FKBP15: variants seen among roughly 807,000 people sequenced by gnomAD.
The protein encoded by FKBP15 is FKBP prolyl isomerase family member 15, also known as FK506-binding protein 15.
Under a neutral mutation model 158.1 loss-of-function variants are expected in FKBP15, and 106 were observed. The ratio of observed to expected loss-of-function variants is 0.67; its 90% CI spans 0.57 to 0.79. The LOEUF (loss-of-function observed/expected upper bound fraction) is 0.79. Ranked by LOEUF, FKBP15 falls within the 30% of genes least tolerant of loss-of-function variation. FKBP15 has a pLI of 0.00. For missense variants in FKBP15, 1,287 were observed against 1,479.1 expected, an observed-to-expected ratio of 0.87 and a Z score of 2.13; for synonymous variants, 547 against 548.6, an observed-to-expected ratio of 1.00 and a Z score of 0.04.
At position 113,193,519 on chromosome 9, in the gene FKBP15, G is replaced by A; in HGVS notation, c.1038C>T (p.Ser346=). ...GEPALRTKSN[S]LSEQLAINTS... is the part of the protein sequence containing the mutation. ...TATTTATTGCAAGTTGTTCACTGAG[G>A]GAGTTAGATTTGGTACGAAGAGCTG... The change falls in exon 11 of 28, where the codon TCC becomes TCT. Residue 346 remains serine (S), a synonymous_variant. Transcript: ENST00000238256. 6.3e-7 allele frequency: 1 copy of A among 1,599,480 alleles called. No individual in the cohort carries two copies. Among genetic ancestry groups the A allele is most frequent in the African/African-American group, 1.3e-5 (1 of 74,836 alleles).
intron 2 of FKBP15, among the ~76,000 whole-genome samples, chr9:113,208,110 G>A (rs1311100156): frequency 3.3e-5 from 5 of 152,242 alleles, no homozygotes; most frequent in Middle Eastern, 3.4e-3. Context: ...TTGGCAGGCC[G>A]AGGCAGGTGG....
chr9:113,218,970 T>G (rs900412860), intron 1 of FKBP15, among the ~76,000 whole-genome samples: 1 of 152,224 alleles, frequency 6.6e-6, no homozygotes, highest in African/African-American at 2.4e-5. Context: ...TATACATAAT[T>G]GGCCCCTTAA....
At chr9:113,192,177 C>T (rs780550936) in intron 11 of FKBP15, among the ~76,000 whole-genome samples, 5 of 152,210 alleles carry the variant, frequency 3.3e-5, no homozygotes, top group South Asian at 2.1e-4. Context: ...GTTCAAAGAT[C>T]TGAGATAATA....
At position 113,178,658 on chromosome 9, in the gene FKBP15, C is replaced by T. The variant is rs1384521752; in HGVS notation, c.2058G>A (p.Gln686=). Residue 686 remains glutamine (Q), a synonymous_variant, in exon 20 of 28, where the codon CAG becomes CAA. Transcript: ENST00000238256. ...SLKETDLLRG[Q]LTKVQAKLSE... is the part of the protein sequence containing the mutation. ...AGAGCTTTGCCTGCACTTTGGTGAG[C>T]TGGCCCCTGAGAAGATCTGTCTCCT... 6.2e-7 allele frequency: 1 copy of T among 1,610,204 alleles called. No individual in the cohort carries two copies. Among genetic ancestry groups the T allele is most frequent in the South Asian group, 1.1e-5 (1 of 90,052 alleles).
chr9:113,162,460 T>A lies in FKBP15; in HGVS notation c.*3618A>T, dbSNP rs531017520. 2.8e-5 allele frequency: 8 copies of A among 282,550 alleles called. No homozygotes were observed. The South Asian group carries it at 4.5e-4, about 16-fold the overall frequency. 17.5% of individuals were successfully genotyped at this position (282,550 alleles called of 1,614,324 possible). A position where few individuals can be genotyped will look rare whatever the true frequency, so the allele number is the denominator to read the frequency against. On this transcript the variant is annotated 3_prime_UTR_variant, in exon 28 of 28. Transcript: ENST00000238256. ...TGCCTTACTGATGATTTTCTCTTATTCCTTATCAGAAAGACAGATTATAGA... is the reference window on the plus strand; with the variant it reads ...TGCCTTACTGATGATTTTCTCTTATACCTTATCAGAAAGACAGATTATAGA...
chr9:113,210,636 C>T (rs915030486), intron 2 of FKBP15, among the ~76,000 whole-genome samples: 4 of 152,140 alleles, frequency 2.6e-5, no homozygotes, highest in African/African-American at 7.2e-5. Context: ...GATTGAAGTA[C>T]ACAAAGTATT....
intron 6 of FKBP15, among the ~76,000 whole-genome samples, chr9:113,201,395 A>C (rs1034161930): frequency 1.3e-5 from 2 of 152,226 alleles, no homozygotes; most frequent in African/African-American, 4.8e-5. Flanking sequence ...TAAATGCACA[A>C]CATAAGGTAA....
At chr9:113,215,649 T>C (rs1348467036) in intron 1 of FKBP15, among the ~76,000 whole-genome samples, 1 of 86,716 alleles carries the variant, frequency 1.2e-5, no homozygotes, top group Non-Finnish European at 2.5e-5. Context: ...TATATATTTT[T>C]TTTTTTTTTT....
chr9:113,186,222 T>G, intron 15 of FKBP15, 27 bp downstream of exon 15: 1 of 1,485,588 alleles, frequency 6.7e-7, no homozygotes, highest in Non-Finnish European at 9.2e-7. Context: ...GAGCGGAAGA[T>G]GAGAAACTGA....
intron 20 of FKBP15, among the ~76,000 whole-genome samples, 173 bp downstream of exon 20, chr9:113,178,457 G>A (rs1830334968): frequency 6.6e-6 from 1 of 152,182 alleles, no homozygotes; most frequent in African/African-American, 2.4e-5. Context: ...CAGTTCTTTT[G>A]CTGTTCCTTC....
Position 113,164,913 on chromosome 9 carries a change from C to T in FKBP15, c.*1165G>A, listed in dbSNP as rs1454704909. On this transcript the variant is annotated 3_prime_UTR_variant, in exon 28 of 28. Transcript: ENST00000238256. ...ACAAAGAAATAATTAGTTCTCACTG[C>T]CTCCCAGGTCCGCACACGGGAGACA... 1 of 152,234 alleles carries T rather than the reference C, an allele frequency of 6.6e-6. No homozygotes were observed. Among genetic ancestry groups the T allele is most frequent in the Non-Finnish European group, 1.5e-5 (1 of 68,050 alleles). The allele number at this position is 152,234 out of a possible 1,614,324, so 9.4% of individuals were successfully genotyped here.
At chr9:113,216,218 T>C (rs1040580984) in intron 1 of FKBP15, among the ~76,000 whole-genome samples, 1 of 152,090 alleles carries the variant, frequency 6.6e-6, no homozygotes, top group Admixed American at 6.6e-5. Context: ...GAGCACTTCT[T>C]CTCCAAAGGC....
At position 113,161,725 on chromosome 9, in the gene FKBP15, G is replaced by A; in HGVS notation, c.*4353C>T. On this transcript the variant is annotated 3_prime_UTR_variant, in exon 28 of 28. Transcript: ENST00000238256. ...TACAGGCAGTGGGTATGGGAAAGGG[G>A]CAGAAGCCTCACATTCACCCTGAGA... 6.2e-7 allele frequency: 1 copy of A among 1,610,496 alleles called. No homozygotes were observed. Among genetic ancestry groups the A allele is most frequent in the Non-Finnish European group, 8.5e-7 (1 of 1,177,352 alleles).
rs1379589102 is a variant in FKBP15, at chr9:113,163,354, TCC to T, written c.*2722_*2723del. ...CTACAGGAGCATCGCCCATTGGACT[TCC>T]TGACCTCTTCTGTCTTTGAGGGACA... On this transcript the variant is annotated 3_prime_UTR_variant, in exon 28 of 28. Coordinates refer to ENST00000238256, the MANE Select transcript of FKBP15 (RefSeq NM_015258.2). 6.5e-6 allele frequency: 1 copy of T among 153,850 alleles called. No homozygotes were observed. Among genetic ancestry groups the T allele is most frequent in the Non-Finnish European group, 1.5e-5 (1 of 68,932 alleles). 9.5% of individuals were successfully genotyped at this position (153,850 alleles called of 1,614,324 possible).
intron 12 of FKBP15, 27 bp downstream of exon 12, chr9:113,190,444 C>G: frequency 6.6e-7 from 1 of 1,515,082 alleles, no homozygotes; most frequent in Non-Finnish European, 9.1e-7. Flanking sequence ...CTGTACTATT[C>G]ATTCTAATAC....
intron 19 of FKBP15, among the ~76,000 whole-genome samples, chr9:113,182,194 G>A (rs1830410806): frequency 6.6e-6 from 1 of 152,156 alleles, no homozygotes. Context: ...GAAAAAGTCA[G>A]GATCTCCTAG....
At position 113,165,620 on chromosome 9, in the gene FKBP15, A is replaced by T. The variant is rs1359346927; in HGVS notation, c.*458T>A. On this transcript the variant is annotated 3_prime_UTR_variant, in exon 28 of 28. Transcript: ENST00000238256. ...AAGAAGATACATGTCCCAGGACTAT[A>T]GGCCAGGCTGTTGACTGCACTGGGA... The T allele has an allele frequency of 4.5e-5, 7 of 154,754 alleles. No homozygotes were observed. Among genetic ancestry groups the T allele is most frequent in the African/African-American group, 1.7e-4 (7 of 41,540 alleles). The allele number at this position is 154,754 out of a possible 1,614,324, so 9.6% of individuals were successfully genotyped here. A position where few individuals can be genotyped will look rare whatever the true frequency, so the allele number is the denominator to read the frequency against.
intron 1 of FKBP15, among the ~76,000 whole-genome samples, chr9:113,218,936 T>C (rs1831198939): frequency 6.6e-6 from 1 of 152,212 alleles, no homozygotes. Context: ...TGCCTACACA[T>C]ACCTTTATAA....
At chr9:113,191,502 T>C (rs1452791298) in intron 11 of FKBP15, among the ~76,000 whole-genome samples, 3 of 151,828 alleles carry the variant, frequency 2.0e-5, no homozygotes, top group Non-Finnish European at 4.4e-5. Flanking sequence ...TAACTGATGA[T>C]GTATCCAAAA....
Sources: gnomAD v4.1 joint callset for allele counts (sites outside exome capture counted in the v4.1 genomes callset) on GRCh38, gnomAD v4.1.1 for gene constraint, MANE v1.5 for transcripts, NCBI Gene and HGNC (gene_info 2026-07-23, HGNC 2026-07-21) for gene names.